The following BBS9 variants were observed in gnomAD, a reference collection of about 807,000 sequenced individuals.
The protein encoded by BBS9 is protein PTHB1.
Under a neutral mutation model 117.7 loss-of-function variants are expected in BBS9, and 89 were observed. The observed-to-expected ratio is 0.76, with a 90% CI of 0.64 to 0.90. The LOEUF is 0.90. Ranked by LOEUF, BBS9 falls within the 40% of genes least tolerant of loss-of-function variation. The pLI, the probability that BBS9 is intolerant of heterozygous loss-of-function variation, is 0.00. For synonymous variants in BBS9, 379 were observed against 370.9 expected (o/e 1.02, Z -0.25); for missense variants, 982 against 1,042.2 (o/e 0.94, Z 0.80).
chr7:33,545,555 G>C (rs1437712641), intron 21 of BBS9, among the ~76,000 whole-genome samples: 2 of 151,990 alleles, frequency 1.3e-5, no homozygotes, highest in Admixed American at 6.6e-5. Flanking sequence ...TATTTGAGGG[G>C]GTCTCCCAAG....
intron 19 of BBS9, among the ~76,000 whole-genome samples, chr7:33,411,284 T>G (rs1831099583): frequency 6.6e-6 from 1 of 152,172 alleles, no homozygotes; most frequent in East Asian, 1.9e-4. Flanking sequence ...AACTAATTTT[T>G]CTTGATTGTA....
chr7:33,133,099 A>G (rs1789881139), intron 1 of BBS9, among the ~76,000 whole-genome samples: 1 of 152,038 alleles, frequency 6.6e-6, no homozygotes, highest in African/African-American at 2.4e-5. Context: ...CTAATGGTAA[A>G]TGTGGCCAAA....
intron 5 of BBS9, among the ~76,000 whole-genome samples, chr7:33,228,549 G>A (rs573866545): frequency 5.9e-5 from 9 of 152,134 alleles, no homozygotes; most frequent in East Asian, 5.8e-4. Context: ...AAATATCCAC[G>A]TATAACTTTT....
chr7:33,217,458 G>A (rs1217092107), intron 5 of BBS9, among the ~76,000 whole-genome samples: 1 of 152,096 alleles, frequency 6.6e-6, no homozygotes, highest in Admixed American at 6.6e-5. Flanking sequence ...TGAGCTTAAA[G>A]CAACTTTGAA....
intron 21 of BBS9, among the ~76,000 whole-genome samples, chr7:33,611,675 A>C: frequency 7.3e-6 from 1 of 137,688 alleles, no homozygotes; most frequent in Non-Finnish European, 1.5e-5. Context: ...TTGATATTTA[A>C]TCCTTAATTA....
chr7:33,302,036 G>C (rs967613999), intron 9 of BBS9, among the ~76,000 whole-genome samples: 27 of 152,064 alleles, frequency 1.8e-4, no homozygotes, highest in African/African-American at 6.5e-4. Flanking sequence ...CAGTGATGTT[G>C]AGCACCTTCT....
chr7:33,561,526 T>C (rs919756389), intron 21 of BBS9, among the ~76,000 whole-genome samples: 6 of 152,176 alleles, frequency 3.9e-5, no homozygotes, highest in African/African-American at 1.4e-4. Flanking sequence ...AACACTGATC[T>C]TTTTGGGACT....
chr7:33,449,344 T>C (rs759133631), intron 19 of BBS9, among the ~76,000 whole-genome samples: 8 of 152,204 alleles, frequency 5.3e-5, no homozygotes, highest in Non-Finnish European at 1.0e-4. Context: ...AGAATGGTAC[T>C]GGCTACAGGC....
At chr7:33,310,923 A>G (rs1462613308) in intron 9 of BBS9, among the ~76,000 whole-genome samples, 4 of 152,204 alleles carry the variant, frequency 2.6e-5, no homozygotes, top group Non-Finnish European at 4.4e-5. Flanking sequence ...GAATTCATGG[A>G]ACTTGTAGTG....
intron 9 of BBS9, among the ~76,000 whole-genome samples, chr7:33,297,809 A>G (rs17170174): frequency 4.6e-5 from 7 of 152,156 alleles, no homozygotes; most frequent in African/African-American, 1.4e-4. Flanking sequence ...AAAATTGAGC[A>G]TAGGACAGAT....
intron 5 of BBS9, among the ~76,000 whole-genome samples, chr7:33,191,519 C>G (rs1046689360): frequency 1.3e-5 from 2 of 152,164 alleles, no homozygotes; most frequent in African/African-American, 4.8e-5. Flanking sequence ...TACCTTAGAA[C>G]TGACAGGAGA....
intron 4 of BBS9, among the ~76,000 whole-genome samples, chr7:33,165,076 C>T (rs1368899265): frequency 2.0e-5 from 3 of 152,028 alleles, no homozygotes; most frequent in Non-Finnish European, 4.4e-5. Flanking sequence ...TTTATTTCTC[C>T]TTCACTTATT....
Position 33,369,570 on chromosome 7 carries a change from A to C in BBS9, c.1789+1708A>C, listed in dbSNP as rs558254601. Among the ~76,000 whole-genome samples the C allele has an allele frequency of 7.2e-5, 11 of 152,320 alleles. 1 individual carries two copies. In the South Asian group the frequency reaches 2.3e-3, roughly 32 times the overall value. On this transcript the variant is annotated intron_variant, in intron 17 of 22. Transcript: ENST00000242067. ...GGACCTTTTAAACAAGGAGCCAAAT[A>C]AACTGTGTAAATTGAAACCTGAATA... is the stretch of plus-strand genomic sequence containing the variant.
At chr7:33,184,475 C>T (rs1040960725) in intron 5 of BBS9, among the ~76,000 whole-genome samples, 2 of 152,114 alleles carry the variant, frequency 1.3e-5, no homozygotes, top group South Asian at 2.1e-4. Context: ...GGCCTCTAAC[C>T]GCCTAAATCT....
At chr7:33,575,106 T>C (rs935403216) in intron 21 of BBS9, among the ~76,000 whole-genome samples, 2 of 152,076 alleles carry the variant, frequency 1.3e-5, no homozygotes, top group African/African-American at 2.4e-5. Context: ...GGCTGGTAAG[T>C]ATTTGTCTTT....
intron 21 of BBS9, among the ~76,000 whole-genome samples, chr7:33,570,605 T>C (rs1216069067): frequency 6.6e-6 from 1 of 152,170 alleles, no homozygotes. Context: ...AGAAACAAAA[T>C]ATTTGCATAG....
chr7:33,170,862 A>G (rs1346502016), intron 4 of BBS9, among the ~76,000 whole-genome samples: 2 of 152,196 alleles, frequency 1.3e-5, no homozygotes, highest in East Asian at 3.9e-4. Context: ...AATTGCTTCA[A>G]AGAGATTAAA....
At chr7:33,257,486 A>T in intron 6 of BBS9, 76 bp downstream of exon 6, 1 of 1,297,466 alleles carries the variant, frequency 7.7e-7, no homozygotes, top group South Asian at 1.2e-5. Context: ...GTCCACAAAG[A>T]GCTTCAATAT....
At chr7:33,576,172 A>C (rs1858825612) in intron 21 of BBS9, among the ~76,000 whole-genome samples, 1 of 152,234 alleles carries the variant, frequency 6.6e-6, no homozygotes, top group Non-Finnish European at 1.5e-5. Context: ...ATCTCAGCCC[A>C]AAATCTCCTT....
Sources: gnomAD v4.1 joint callset for allele counts (sites outside exome capture counted in the v4.1 genomes callset) on GRCh38, gnomAD v4.1.1 for gene constraint, MANE v1.5 for transcripts, NCBI Gene and HGNC (gene_info 2026-07-23, HGNC 2026-07-21) for gene names.